Variants in OXNAD1 observed in about 807,000 individuals in gnomAD.
The protein encoded by OXNAD1 is oxidoreductase NAD-binding domain-containing protein 1.
OXNAD1 carries 34 observed loss-of-function variants against 32.9 expected under a neutral mutation model. The ratio of observed to expected loss-of-function variants is 1.03; its 90% CI spans 0.79 to 1.38. OXNAD1 has a LOEUF of 1.38. OXNAD1 is among the 40% of genes most tolerant of loss of function. The probability of loss-of-function intolerance (pLI) is 0.00; values close to 1 mark genes in which losing one functional copy is unlikely to be tolerated. For synonymous variants in OXNAD1, 134 were observed against 135.2 expected (o/e 0.99, Z 0.06); for missense variants, 407 against 379.4 (o/e 1.07, Z -0.60).
chr3:16,278,411 G>A (rs937275534), intron 4 of OXNAD1, among the ~76,000 whole-genome samples: 2 of 152,142 alleles, frequency 1.3e-5, no homozygotes, highest in Admixed American at 1.3e-4. Context: ...CATTCTGGGA[G>A]GGACATGTAG....
At position 16,299,079 on chromosome 3, in the gene OXNAD1, G is replaced by C. The variant is rs117202477; in HGVS notation, c.433-2547G>C. On this transcript the variant is annotated intron_variant, in intron 6 of 8. Coordinates refer to ENST00000285083, the MANE Select transcript of OXNAD1 (RefSeq NM_138381.5). This position sits in a 1 kb window ranked among gnomAD's most constrained non-coding sequence, Gnocchi z 4.4. ...GGGGCACATTTTCTTGCCAACTTTA[G>C]AGTTGAAAATACTCTGGTTTCTAAA... is the stretch of plus-strand genomic sequence containing the variant. Among the ~76,000 whole-genome samples the C allele has an allele frequency of 3.5e-4, 54 of 152,280 alleles. No homozygotes were observed. In the East Asian group the frequency reaches 7.5e-3, roughly 21 times the overall value.
Position 16,314,958 on chromosome 3 carries a change from TGTC to T in OXNAD1, c.*30+11367_*30+11369del, listed in dbSNP as rs1166169528. 4 of 152,188 alleles carry T rather than the reference TGTC, an allele frequency of 2.6e-5. No individual in the cohort carries two copies. The highest frequency in any genetic ancestry group is 9.7e-5 in the African/African-American group (4 of 41,450). The allele number at this position is 152,188 out of a possible 1,614,324, so 9.4% of individuals were successfully genotyped here. A position where few individuals can be genotyped will look rare whatever the true frequency, so the allele number is the denominator to read the frequency against. ...TAGACATTGACTTAGTTGTGGAAAA[TGTC>T]ATTAAAAAATAGTTGTCTTCTCTTT... On this transcript the variant is annotated intron_variant, in intron 9 of 9. Transcript: ENST00000435829. The surrounding 1 kb of genome is among the most constrained non-coding windows in gnomAD (Gnocchi z 4.4).
At position 16,342,860 on chromosome 3, in the gene OXNAD1, G is replaced by A. The variant is rs1403951300; in HGVS notation, c.*31-6316G>A. 1.3e-5 allele frequency among the ~76,000 whole-genome samples: 2 copies of A among 152,256 alleles called. No homozygotes were observed. The highest frequency in any genetic ancestry group is 4.8e-5 in the African/African-American group (2 of 41,556). On this transcript the variant is annotated intron_variant, in intron 9 of 9. Transcript: ENST00000606098. This position sits in a 1 kb window ranked among gnomAD's most constrained non-coding sequence, Gnocchi z 4.0. The stretch of plus-strand genomic sequence containing the variant: ...GGCCTGGCTGAATTTTTTACATGCA[G>A]TTCCCTAATCTCCACCCCGAAGACC...
At position 16,271,455 on chromosome 3, in the gene OXNAD1, C is replaced by T. The variant is rs554315221; in HGVS notation, c.120-204C>T. Among the ~76,000 whole-genome samples, 5 of 152,284 alleles carry T rather than the reference C, an allele frequency of 3.3e-5. No individual in the cohort carries two copies. Among genetic ancestry groups the T allele is most frequent in the Non-Finnish European group, 5.9e-5 (4 of 68,020 alleles). On this transcript the variant is annotated intron_variant, in intron 3 of 8. Coordinates refer to ENST00000285083, the MANE Select transcript of OXNAD1 (RefSeq NM_138381.5). The surrounding 1 kb of genome is among the most constrained non-coding windows in gnomAD (Gnocchi z 4.6). Reference sequence around the variant, plus strand: ...CTGACGTCAGATGATCTGCCTGCCTCGGCCTCCCAAAGTGCTGAGATTACA... The same window carrying T: ...CTGACGTCAGATGATCTGCCTGCCTTGGCCTCCCAAAGTGCTGAGATTACA...
intron 9 of OXNAD1, among the ~76,000 whole-genome samples, chr3:16,319,467 G>C (rs1229321871): frequency 6.6e-6 from 1 of 152,132 alleles, no homozygotes; most frequent in South Asian, 2.1e-4. Flanking sequence ...CCAGGGCTGC[G>C]GTGCACACCT....
intron 2 of OXNAD1, among the ~76,000 whole-genome samples, chr3:16,270,342 T>G (rs1397557336): frequency 6.6e-6 from 1 of 152,266 alleles, no homozygotes; most frequent in African/African-American, 2.4e-5. Context: ...TCTGTGTTAC[T>G]GCATGTAGTT....
intron 9 of OXNAD1, among the ~76,000 whole-genome samples, chr3:16,328,133 A>C (rs921833805): frequency 1.3e-5 from 2 of 152,260 alleles, no homozygotes; most frequent in African/African-American, 4.8e-5. Context: ...CAGCACAAAC[A>C]TGCCAGGAAC....
chr3:16,293,056 A>G (rs545879064), intron 5 of OXNAD1, among the ~76,000 whole-genome samples: 3 of 152,364 alleles, frequency 2.0e-5, no homozygotes, highest in South Asian at 4.1e-4. Flanking sequence ...AATTTCTACA[A>G]TGAAAACACC....
In OXNAD1 at chr3:16,301,573, G is replaced by A; in HGVS notation, c.433-53G>A. The stretch of plus-strand genomic sequence containing the variant: ...CCAGTTTTATTAAAGTAGAACATTT[G>A]GTTTAAGACCTTTGCTACAAAAGAC... On this transcript the variant is annotated intron_variant, in intron 6 of 8. Coordinates refer to ENST00000285083, the MANE Select transcript of OXNAD1 (RefSeq NM_138381.5). This position sits in a 1 kb window ranked among gnomAD's most constrained non-coding sequence, Gnocchi z 4.1. The A allele has an allele frequency of 6.3e-7, 1 of 1,592,220 alleles. No individual in the cohort carries two copies. Among genetic ancestry groups the A allele is most frequent in the South Asian group, 1.1e-5 (1 of 89,142 alleles).
chr3:16,318,302 T>C (rs2068658437), intron 9 of OXNAD1, among the ~76,000 whole-genome samples: 1 of 152,178 alleles, frequency 6.6e-6, no homozygotes, highest in East Asian at 1.9e-4. Context: ...TGTTATCTCA[T>C]TGGTTTCACC....
chr3:16,292,869 C>A (rs1575118392), intron 5 of OXNAD1, among the ~76,000 whole-genome samples: 1 of 152,196 alleles, frequency 6.6e-6, no homozygotes. Context: ...CCGTTCTTTT[C>A]CATTGATCTA....
At position 16,345,236 on chromosome 3, in the gene OXNAD1, C is replaced by G. The variant is rs1409037371; in HGVS notation, c.*31-3940C>G. 6.8e-6 allele frequency: 1 copy of G among 147,488 alleles called. No individual in the cohort carries two copies. Among genetic ancestry groups the G allele is most frequent in the Admixed American group, 6.7e-5 (1 of 14,984 alleles). The allele number at this position is 147,488 out of a possible 1,614,324, so 9.1% of individuals were successfully genotyped here. A position where few individuals can be genotyped will look rare whatever the true frequency, so the allele number is the denominator to read the frequency against. ...TCAGCCCACCTGGATTTCTGGCCCA[C>G]AGAAACTGTAAGATAATAAGTAGGT... On this transcript the variant is annotated intron_variant, in intron 9 of 9. Transcript: ENST00000606098. The surrounding 1 kb of genome is among the most constrained non-coding windows in gnomAD (Gnocchi z 5.2).
At chr3:16,339,549 G>C (rs984821965), downstream of OXNAD1, 3 of 152,106 alleles carry the variant, frequency 2.0e-5, no homozygotes, top group Admixed American at 2.0e-4. Context: ...GCGCTGCCGG[G>C]TCCCCATCAG....
chr3:16,345,892 G>A lies in OXNAD1; in HGVS notation c.*31-3284G>A, dbSNP rs1288311738. 1 of 151,604 alleles carries A rather than the reference G, an allele frequency of 6.6e-6. No individual in the cohort carries two copies. The highest frequency in any genetic ancestry group is 2.4e-5 in the African/African-American group (1 of 41,218). 9.4% of individuals were successfully genotyped at this position (151,604 alleles called of 1,614,324 possible). ...CTCCTACTGGTTCTGTTTTACTGGA[G>A]AACCCTAATACACTTCTTTCTTGTT... On this transcript the variant is annotated intron_variant, in intron 9 of 9. Coordinates refer to the OXNAD1 transcript ENST00000606098. This position sits in a 1 kb window ranked among gnomAD's most constrained non-coding sequence, Gnocchi z 5.2.
At chr3:16,340,454 G>T (rs2071245640), downstream of OXNAD1, among the ~76,000 whole-genome samples, 1 of 152,216 alleles carries the variant, frequency 6.6e-6, no homozygotes, top group African/African-American at 2.4e-5. Flanking sequence ...TGACATATGA[G>T]AGAGCCCAGC....
rs757174668 is a variant in OXNAD1 at position 16,317,085 on chromosome 3, A to G, written c.*30+13493A>G. The G allele has an allele frequency of 6.2e-7, 1 of 1,613,676 alleles. No individual in the cohort carries two copies. Among genetic ancestry groups the G allele is most frequent in the Non-Finnish European group, 8.5e-7 (1 of 1,179,964 alleles). ...CCCTCCTGCTGCTGTCCTGAAACAC[A>G]GTTTCCCATGTCTCCAGCTTTGGAA... On this transcript the variant is annotated intron_variant, in intron 9 of 9. Coordinates refer to the OXNAD1 transcript ENST00000435829. The surrounding 1 kb of genome is among the most constrained non-coding windows in gnomAD (Gnocchi z 4.3).
Position 16,271,805 on chromosome 3 carries a change from A to G in OXNAD1, c.183+83A>G. ...GACTGGCTTATGGGTAAAGCATTAG[A>G]TGAGTCTGGTCCTTTTGAAGGAGAG... On this transcript the variant is annotated intron_variant, in intron 4 of 8. Coordinates refer to ENST00000285083, the MANE Select transcript of OXNAD1 (RefSeq NM_138381.5). This position sits in a 1 kb window ranked among gnomAD's most constrained non-coding sequence, Gnocchi z 4.6. 6 of 1,188,848 alleles carry G rather than the reference A, an allele frequency of 5.0e-6. No homozygotes were observed. The highest frequency in any genetic ancestry group is 7.2e-6 in the Non-Finnish European group (6 of 834,596). The allele number at this position is 1,188,848 out of a possible 1,614,324, so 73.6% of individuals were successfully genotyped here.
Position 16,316,075 on chromosome 3 carries a change from A to G in OXNAD1, c.*30+12483A>G, listed in dbSNP as rs549598743. 2.0e-5 allele frequency: 3 copies of G among 152,920 alleles called. No homozygotes were observed. In the South Asian group the frequency reaches 6.2e-4, roughly 32 times the overall value. 9.5% of individuals were successfully genotyped at this position (152,920 alleles called of 1,614,324 possible). On this transcript the variant is annotated intron_variant, in intron 9 of 9. Transcript: ENST00000435829. This position sits in a 1 kb window ranked among gnomAD's most constrained non-coding sequence, Gnocchi z 4.5. ...TAAAATAGCACATAACAAGGGCGCCAGCCAGTCCCGATGCCCTGAAGTGAC... is the reference window on the plus strand; with the variant it reads ...TAAAATAGCACATAACAAGGGCGCCGGCCAGTCCCGATGCCCTGAAGTGAC...
At chr3:16,310,437 T>G (rs2067889956), downstream of OXNAD1, among the ~76,000 whole-genome samples, 1 of 152,240 alleles carries the variant, frequency 6.6e-6, no homozygotes, top group Non-Finnish European at 1.5e-5. Flanking sequence ...TAAGCCTTTA[T>G]ATTATTTAGA....
Sources: allele counts gnomAD v4.1 joint callset (sites outside exome capture counted in the v4.1 genomes callset), GRCh38; gene constraint gnomAD v4.1.1; non-coding constraint Gnocchi (gnomAD v3.1); transcripts MANE v1.5; gene names NCBI Gene and HGNC (gene_info 2026-07-23, HGNC 2026-07-21).